CYP20A1: variants seen among roughly 807,000 people sequenced by gnomAD.
CYP20A1 encodes cytochrome P450 20A1.
A neutral mutation model predicts 61.4 loss-of-function variants in CYP20A1; 61 were observed. That is an observed-to-expected ratio of 0.99 (90% CI 0.81 to 1.23). CYP20A1 has a LOEUF of 1.23. CYP20A1 is among the 50% of genes most tolerant of loss of function. The probability of loss-of-function intolerance (pLI) is 0.00; values close to 1 mark genes in which losing one functional copy is unlikely to be tolerated. For synonymous variants in CYP20A1, 193 were observed against 188.2 expected, an observed-to-expected ratio of 1.03 and a Z score of -0.21; for missense variants, 530 against 542.4, an observed-to-expected ratio of 0.98 and a Z score of 0.23.
chr2:203,243,497 G>T (rs189223767), intron 1 of CYP20A1, among the ~76,000 whole-genome samples: 1 of 151,644 alleles, frequency 6.6e-6, no homozygotes, highest in East Asian at 1.9e-4. Context: ...CTCAAATCCC[G>T]CCTCAGCCTC....
intron 5 of CYP20A1, among the ~76,000 whole-genome samples, chr2:203,269,119 C>T (rs1380568083): frequency 6.6e-6 from 1 of 152,112 alleles, no homozygotes; most frequent in Admixed American, 6.6e-5. Flanking sequence ...GTACTTTTGA[C>T]AACATTTAGA....
chr2:203,288,481 T>A (rs2068394867), intron 9 of CYP20A1, among the ~76,000 whole-genome samples: 1 of 152,180 alleles, frequency 6.6e-6, no homozygotes, highest in Non-Finnish European at 1.5e-5. Context: ...TTGTTCATCC[T>A]TTATGTCCTA....
At chr2:203,284,809 G>C (rs544742482) in intron 8 of CYP20A1, among the ~76,000 whole-genome samples, 1 of 144,834 alleles carries the variant, frequency 6.9e-6, no homozygotes, top group African/African-American at 2.6e-5. Flanking sequence ...GCAGTGGCAC[G>C]GTCACAGCTC....
Position 203,303,512 on chromosome 2 carries a change from G to T in CYP20A1, c.*6604G>T, listed in dbSNP as rs1575299121. On this transcript the variant is annotated 3_prime_UTR_variant, in exon 13 of 13. Coordinates refer to ENST00000356079, the MANE Select transcript of CYP20A1 (RefSeq NM_177538.3). Reference sequence around the variant, plus strand: ...GGAGTTTGAGATCAGCCTGGCCAACGTGGTGAAACTCCATCTCTACTAAAA... The same window carrying T: ...GGAGTTTGAGATCAGCCTGGCCAACTTGGTGAAACTCCATCTCTACTAAAA... Among the ~76,000 whole-genome samples the T allele has an allele frequency of 6.6e-6, 1 of 151,314 alleles. No homozygotes were observed. The highest frequency in any genetic ancestry group is 6.6e-5 in the Admixed American group (1 of 15,194).
At chr2:203,250,019 G>A (rs1307337017) in intron 3 of CYP20A1, among the ~76,000 whole-genome samples, 1 of 152,186 alleles carries the variant, frequency 6.6e-6, no homozygotes, top group East Asian at 1.9e-4. Context: ...ACACACTGTT[G>A]ATGAGGGAAT....
At chr2:203,278,765 A>T in intron 7 of CYP20A1, 77 bp downstream of exon 7, 1 of 738,226 alleles carries the variant, frequency 1.4e-6, no homozygotes, top group Non-Finnish European at 2.2e-6. Flanking sequence ...CTGTAGTCCC[A>T]GCTACTTGAG....
rs1322579303 is a variant in CYP20A1 at position 203,266,669 on chromosome 2, G to C, written c.588G>C (p.Lys196Asn). The part of the protein sequence containing the change: ...EDDQEVIRFQ[K>N]NHGTVWSEIG... ...ATCAGGAAGTCATTCGCTTCCAGAAGAATCATGGCACAGTAAGTCTGGGGC... is the reference window on the plus strand; with the variant it reads ...ATCAGGAAGTCATTCGCTTCCAGAACAATCATGGCACAGTAAGTCTGGGGC... Residue 196 changes from lysine (K) to asparagine (N), a missense_variant, in exon 5 of 13, where the codon AAG becomes AAC. Transcript: ENST00000356079. The C allele has an allele frequency of 1.9e-6, 3 of 1,613,862 alleles. No homozygotes were observed. In the Admixed American group the frequency reaches 5.0e-5, roughly 27 times the overall value.
At chr2:203,294,541 A>G (rs1313903131) in intron 11 of CYP20A1, among the ~76,000 whole-genome samples, 1 of 152,172 alleles carries the variant, frequency 6.6e-6, no homozygotes, top group Non-Finnish European at 1.5e-5. Context: ...AAAATAAAAT[A>G]AAAAATAATG....
At chr2:203,264,742 G>GT (rs2067260314) in intron 4 of CYP20A1, among the ~76,000 whole-genome samples, 1 of 151,358 alleles carries the variant, frequency 6.6e-6, no homozygotes, top group Non-Finnish European at 1.5e-5. Context: ...CCTTTCTTTC[G>GT]TTTTTTAGAC....
intron 7 of CYP20A1, 48 bp from the exon 8 acceptor site, chr2:203,280,011 G>A: frequency 7.3e-7 from 1 of 1,366,912 alleles, no homozygotes. Context: ...GCCTAATATA[G>A]GCTACCTTAC....
intron 9 of CYP20A1, among the ~76,000 whole-genome samples, chr2:203,289,511 A>T (rs970488708): frequency 6.6e-6 from 1 of 151,864 alleles, no homozygotes; most frequent in African/African-American, 2.4e-5. Context: ...TATTTGTTGA[A>T]ATCTTTATCT....
intron 9 of CYP20A1, among the ~76,000 whole-genome samples, chr2:203,287,252 A>C: frequency 6.8e-6 from 1 of 147,864 alleles, no homozygotes; most frequent in African/African-American, 2.5e-5. Context: ...AAAGATAACC[A>C]CTGGAAAGAA....
chr2:203,296,657 A>T (rs1342404869), intron 12 of CYP20A1, 94 bp downstream of exon 12: 30 of 1,406,602 alleles, frequency 2.1e-5, no homozygotes, highest in Non-Finnish European at 2.7e-5. Context: ...TTATTTTTTT[A>T]TTATTATTGT....
chr2:203,296,697 C>A (rs2068812382), intron 12 of CYP20A1, 61 bp from the exon 13 acceptor site: 3 of 1,532,096 alleles, frequency 2.0e-6, no homozygotes, highest in African/African-American at 1.4e-5. Context: ...ATGTGCAGAA[C>A]GTGCAGGTTT....
Position 203,266,597 on chromosome 2 carries a change from T to C in CYP20A1, c.516T>C (p.Ala172=). The part of the protein sequence containing the change: ...VPLSQHMLGF[A]MKSVTQMVMG... ...TCAGCCAGCATATGCTTGGTTTTGC[T>C]ATGAAGTCTGTTACACAGATGGTAA... is the stretch of plus-strand genomic sequence containing the variant. Residue 172 remains alanine (A), a synonymous_variant, in exon 5 of 13, where the codon GCT becomes GCC. Transcript: ENST00000356079. The C allele has an allele frequency of 6.2e-7, 1 of 1,614,046 alleles. No individual in the cohort carries two copies. The highest frequency in any genetic ancestry group is 1.1e-5 in the South Asian group (1 of 91,082).
intron 6 of CYP20A1, among the ~76,000 whole-genome samples, chr2:203,277,176 G>A (rs1026600747): frequency 5.9e-5 from 9 of 151,988 alleles, no homozygotes; most frequent in South Asian, 4.2e-4. Context: ...GTGAAACCCC[G>A]TCTCTACTAA....
chr2:203,280,699 A>T (rs1440889281), intron 8 of CYP20A1, among the ~76,000 whole-genome samples: 2 of 152,110 alleles, frequency 1.3e-5, no homozygotes, highest in Admixed American at 6.5e-5. Flanking sequence ...AGACTGTCTC[A>T]AAACAAACAA....
intron 9 of CYP20A1, among the ~76,000 whole-genome samples, chr2:203,286,941 C>T (rs2068297492): frequency 6.6e-6 from 1 of 151,640 alleles, no homozygotes; most frequent in Non-Finnish European, 1.5e-5. Context: ...AGTGGCTGGG[C>T]GCAGTGGCCC....
chr2:203,278,829 A>C (rs1166610276), intron 7 of CYP20A1, 141 bp downstream of exon 7: 9 of 543,686 alleles, frequency 1.7e-5, no homozygotes, highest in Non-Finnish European at 3.0e-5. Context: ...AACTTGGGCA[A>C]TATAGCAAGA....
Sources: allele counts gnomAD v4.1 joint callset (sites outside exome capture counted in the v4.1 genomes callset), GRCh38; gene constraint gnomAD v4.1.1; transcripts MANE v1.5; gene names NCBI Gene and HGNC (gene_info 2026-07-23, HGNC 2026-07-21).